The following CNTNAP2 variants were observed in gnomAD, a reference collection of about 807,000 sequenced individuals.
The protein encoded by CNTNAP2 is contactin associated protein 2.
Under a neutral mutation model 155.2 loss-of-function variants are expected in CNTNAP2, and 98 were observed. That is an observed-to-expected ratio of 0.63 (90% CI 0.54 to 0.75). The LOEUF is 0.75. Among genes scored for constraint, CNTNAP2 ranks in the 30% least tolerant of loss-of-function variants. The pLI is 0.00. For synonymous variants in CNTNAP2, 651 were observed against 631.2 expected (o/e 1.03, Z -0.47); for missense variants, 1,727 against 1,688.1 (o/e 1.02, Z -0.40).
intron 8 of CNTNAP2, among the ~76,000 whole-genome samples, chr7:147,150,155 G>T (rs903891866): frequency 6.6e-6 from 1 of 152,122 alleles, no homozygotes; most frequent in Non-Finnish European, 1.5e-5. Context: ...GAAGAGTCAA[G>T]GCTTATGTTA....
chr7:147,629,227 C>A (rs1157936328), intron 12 of CNTNAP2, among the ~76,000 whole-genome samples: 4 of 151,790 alleles, frequency 2.6e-5, no homozygotes, highest in African/African-American at 9.7e-5. Context: ...TATGGTAAAA[C>A]CCTGTCTTTA....
rs182828242 is a variant in CNTNAP2, at chr7:147,745,513, C to T, written c.2098+106207C>T. Reference sequence around the variant, plus strand: ...AATCATAAACATCTTTAGCAGAAGACTGAATTCTCCTTTTCTTGAAATTCC... The same window carrying T: ...AATCATAAACATCTTTAGCAGAAGATTGAATTCTCCTTTTCTTGAAATTCC... On this transcript the variant is annotated intron_variant, in intron 13 of 23. Transcript: ENST00000361727. Among the ~76,000 whole-genome samples the T allele has an allele frequency of 5.0e-4, 76 of 152,316 alleles. 1 individual carries two copies. The highest frequency in any genetic ancestry group is 2.9e-4 in the Non-Finnish European group (20 of 68,016).
rs369982408 is a variant in CNTNAP2, at chr7:147,606,315, A to G, written c.1898-32791A>G. Among the ~76,000 whole-genome samples, 8 of 152,340 alleles carry G rather than the reference A, an allele frequency of 5.3e-5. No homozygotes were observed. In the South Asian group the frequency reaches 1.2e-3, roughly 24 times the overall value. ...GCAAATGACAAACAAGATAATTTTG[A>G]TAGTCACTTTATTGCCTTCCTGTGA... On this transcript the variant is annotated intron_variant, in intron 12 of 23. Coordinates refer to ENST00000361727, the MANE Select transcript of CNTNAP2 (RefSeq NM_014141.6).
intron 8 of CNTNAP2, among the ~76,000 whole-genome samples, chr7:147,256,763 A>G (rs997854250): frequency 6.6e-6 from 1 of 152,112 alleles, no homozygotes; most frequent in African/African-American, 2.4e-5. Flanking sequence ...GGGGAACAGG[A>G]CAGTTAATGG....
At chr7:146,457,670 A>T (rs1490310318) in intron 1 of CNTNAP2, among the ~76,000 whole-genome samples, 1 of 149,644 alleles carries the variant, frequency 6.7e-6, no homozygotes, top group Non-Finnish European at 1.5e-5. Flanking sequence ...TGCCCGGTTA[A>T]TTTTTTTTAT....
intron 13 of CNTNAP2, among the ~76,000 whole-genome samples, chr7:147,765,351 A>T (rs1797366882): frequency 6.6e-6 from 1 of 152,198 alleles, no homozygotes; most frequent in Admixed American, 6.5e-5. Context: ...TCACATGGTG[A>T]ATAAATACAT....
chr7:146,267,306 G>A (rs1800010730), intron 1 of CNTNAP2, among the ~76,000 whole-genome samples: 1 of 152,094 alleles, frequency 6.6e-6, no homozygotes, highest in Non-Finnish European at 1.5e-5. Context: ...TACAAAGAGT[G>A]GAGACAGAGA....
intron 9 of CNTNAP2, among the ~76,000 whole-genome samples, chr7:147,322,514 A>T (rs565141305): frequency 1.4e-4 from 22 of 151,960 alleles, no homozygotes; most frequent in Non-Finnish European, 2.5e-4. Context: ...AGTGTTCATC[A>T]AGGATATTGG....
chr7:146,483,590 T>C (rs374987706), intron 1 of CNTNAP2, among the ~76,000 whole-genome samples: 1 of 150,568 alleles, frequency 6.6e-6, no homozygotes, highest in Non-Finnish European at 1.5e-5. Context: ...TTCTTAAAAA[T>C]AGTTTATAGA....
At chr7:146,864,031 C>A (rs946984151) in intron 3 of CNTNAP2, among the ~76,000 whole-genome samples, 4 of 151,794 alleles carry the variant, frequency 2.6e-5, no homozygotes, top group African/African-American at 9.7e-5. Context: ...TCTAAGTAAC[C>A]TTTTTTGGTG....
At chr7:147,139,181 C>A (rs1427046232) in intron 8 of CNTNAP2, among the ~76,000 whole-genome samples, 1 of 152,032 alleles carries the variant, frequency 6.6e-6, no homozygotes, top group African/African-American at 2.4e-5. Flanking sequence ...ATTGTATCTA[C>A]TTAACATGTA....
At chr7:147,370,810 C>T (rs927994369) in intron 9 of CNTNAP2, among the ~76,000 whole-genome samples, 1 of 151,958 alleles carries the variant, frequency 6.6e-6, no homozygotes, top group Admixed American at 6.6e-5. Flanking sequence ...GAGAGAATCA[C>T]TTATTTTTTT....
intron 1 of CNTNAP2, among the ~76,000 whole-genome samples, chr7:146,542,720 G>C (rs889145021): frequency 2.6e-5 from 4 of 151,978 alleles, no homozygotes; most frequent in Admixed American, 2.0e-4. Context: ...AGGAAGATTA[G>C]AGAGATAACT....
chr7:148,070,924 C>A (rs1009608380), intron 15 of CNTNAP2, among the ~76,000 whole-genome samples: 14 of 152,088 alleles, frequency 9.2e-5, no homozygotes, highest in African/African-American at 3.1e-4. Context: ...CCCCCTCATA[C>A]CTCCAATGTA....
chr7:147,069,152 G>T (rs1051790393), intron 4 of CNTNAP2, among the ~76,000 whole-genome samples: 6 of 152,088 alleles, frequency 3.9e-5, no homozygotes, highest in African/African-American at 1.4e-4. Flanking sequence ...CATTTATGAG[G>T]GATCCACCCC....
intron 13 of CNTNAP2, among the ~76,000 whole-genome samples, chr7:147,709,087 G>A (rs1051723866): frequency 2.6e-5 from 4 of 152,146 alleles, no homozygotes; most frequent in Admixed American, 1.3e-4. Flanking sequence ...GTCAGCTGAT[G>A]CCTCCAGCTG....
chr7:146,202,705 ATATT>A (rs944257375), intron 1 of CNTNAP2, among the ~76,000 whole-genome samples: 1 of 152,184 alleles, frequency 6.6e-6, no homozygotes, highest in African/African-American at 2.4e-5. Flanking sequence ...CATTCATAAA[ATATT>A]TATAATAATA....
At chr7:146,604,328 C>T (rs1375270638) in intron 1 of CNTNAP2, among the ~76,000 whole-genome samples, 2 of 126,320 alleles carry the variant, frequency 1.6e-5, no homozygotes, top group Non-Finnish European at 3.2e-5. Context: ...AAAAAATGCT[C>T]ATCATCACTG....
chr7:146,999,286 T>G (rs1798378083), intron 3 of CNTNAP2, among the ~76,000 whole-genome samples: 1 of 151,242 alleles, frequency 6.6e-6, no homozygotes, highest in Non-Finnish European at 1.5e-5. Context: ...AATGTTTACA[T>G]TTTTACTCGA....
Sources: gnomAD v4.1 joint callset for allele counts (sites outside exome capture counted in the v4.1 genomes callset) on GRCh38, gnomAD v4.1.1 for gene constraint, MANE v1.5 for transcripts, NCBI Gene and HGNC (gene_info 2026-07-23, HGNC 2026-07-21) for gene names.